Variants in GRID1 observed in about 807,000 individuals in gnomAD.
GRID1 encodes the protein glutamate receptor ionotropic, delta-1.
In GRID1, 28 loss-of-function variants were observed where a neutral mutation model predicts 98.0. The ratio of observed to expected loss-of-function variants is 0.29; its 90% CI spans 0.21 to 0.39. GRID1 has a LOEUF of 0.39. Ranked by LOEUF, GRID1 falls within the 10% of genes least tolerant of loss-of-function variation. GRID1 has a pLI of 1.00. For missense variants in GRID1, 1,111 were observed against 1,340.5 expected, an observed-to-expected ratio of 0.83 and a Z score of 2.67; for synonymous variants, 553 against 538.5, an observed-to-expected ratio of 1.03 and a Z score of -0.37.
At chr10:85,618,398 A>G (rs573321521) in intron 14 of GRID1, among the ~76,000 whole-genome samples, 31 of 152,314 alleles carry the variant, frequency 2.0e-4, no homozygotes, top group African/African-American at 7.5e-4. Context: ...CGGAAAACCA[A>G]CTGGTGCGAA....
At chr10:86,281,670 C>G (rs1847358555) in intron 2 of GRID1, among the ~76,000 whole-genome samples, 1 of 152,158 alleles carries the variant, frequency 6.6e-6, no homozygotes, top group South Asian at 2.1e-4. Context: ...GACCCATGGC[C>G]TGAGGCCTAG....
intron 4 of GRID1, among the ~76,000 whole-genome samples, chr10:86,033,583 T>C (rs1280643919): frequency 6.6e-6 from 1 of 152,196 alleles, no homozygotes; most frequent in Non-Finnish European, 1.5e-5. Context: ...GTGTGGACTA[T>C]AAGACAGCCC....
At chr10:86,073,809 C>T (rs1843838912) in intron 4 of GRID1, among the ~76,000 whole-genome samples, 1 of 152,156 alleles carries the variant, frequency 6.6e-6, no homozygotes, top group Non-Finnish European at 1.5e-5. Context: ...AAGAAGAGAC[C>T]CACATGCCCT....
At chr10:86,289,219 C>T (rs1441456376) in intron 2 of GRID1, among the ~76,000 whole-genome samples, 1 of 152,110 alleles carries the variant, frequency 6.6e-6, no homozygotes, top group East Asian at 1.9e-4. Context: ...CAATTAATGC[C>T]CAGGAACATC....
At chr10:85,827,288 C>G (rs1842828427) in intron 8 of GRID1, among the ~76,000 whole-genome samples, 1 of 151,966 alleles carries the variant, frequency 6.6e-6, no homozygotes, top group Non-Finnish European at 1.5e-5. Context: ...GAACCAAATT[C>G]ATCAGATAGA....
chr10:85,849,348 G>A (rs1033035640), intron 8 of GRID1, among the ~76,000 whole-genome samples: 3 of 152,202 alleles, frequency 2.0e-5, no homozygotes, highest in African/African-American at 7.2e-5. Flanking sequence ...AACATCAAGG[G>A]GGGCATTTGA....
At chr10:86,289,006 T>A (rs973990252) in intron 2 of GRID1, among the ~76,000 whole-genome samples, 1 of 152,164 alleles carries the variant, frequency 6.6e-6, no homozygotes, top group Non-Finnish European at 1.5e-5. Context: ...AACAAAAATA[T>A]GTGTAGACAC....
In GRID1 at chr10:86,162,503, G is replaced by A. The variant is rs546457573; in HGVS notation, c.521-23479C>T. Among the ~76,000 whole-genome samples the A allele has an allele frequency of 1.4e-4, 22 of 152,298 alleles. 1 individual carries two copies. The highest frequency in any genetic ancestry group is 1.2e-3 in the East Asian group (6 of 5,184). ...CTAAAAGCAAGGGGCAGCCAATCTT[G>A]TTTGTCTTCAGAAGCTTTCCATGGA... is the stretch of plus-strand genomic sequence containing the variant. On this transcript the variant is annotated intron_variant, in intron 3 of 15. Coordinates refer to ENST00000327946, the MANE Select transcript of GRID1 (RefSeq NM_017551.3).
intron 6 of GRID1, among the ~76,000 whole-genome samples, chr10:85,863,991 AAT>A (rs766143564): frequency 7.9e-5 from 12 of 152,182 alleles, no homozygotes; most frequent in Admixed American, 1.3e-4. Flanking sequence ...AAGTGTGGAA[AAT>A]GTTTTCATTA....
chr10:85,773,962 T>G (rs866642065), intron 8 of GRID1, among the ~76,000 whole-genome samples: 7 of 152,182 alleles, frequency 4.6e-5, no homozygotes, highest in Admixed American at 2.6e-4. Context: ...TTCACAGATT[T>G]GGAAAAGACT....
intron 4 of GRID1, among the ~76,000 whole-genome samples, chr10:85,993,766 A>C (rs970558837): frequency 2.0e-5 from 3 of 152,240 alleles, no homozygotes; most frequent in Non-Finnish European, 4.4e-5. Flanking sequence ...TCCTAATGAC[A>C]AAACTGTAAA....
intron 12 of GRID1, among the ~76,000 whole-genome samples, chr10:85,692,780 C>A (rs563785359): frequency 1.3e-5 from 2 of 151,446 alleles, no homozygotes; most frequent in African/African-American, 2.4e-5. Context: ...TAAGAAAAAA[C>A]CTACAAAATA....
intron 8 of GRID1, among the ~76,000 whole-genome samples, chr10:85,795,715 C>A (rs1004401418): frequency 5.9e-5 from 9 of 152,152 alleles, no homozygotes; most frequent in Non-Finnish European, 1.2e-4. Flanking sequence ...TAATGCCCAC[C>A]AGCAAAGCAC....
At chr10:85,740,320 T>C (rs986399017) in intron 8 of GRID1, among the ~76,000 whole-genome samples, 1 of 152,198 alleles carries the variant, frequency 6.6e-6, no homozygotes, top group African/African-American at 2.4e-5. Flanking sequence ...TTATTAATAA[T>C]ATGATCTCTC....
At chr10:85,748,732 T>G (rs1185220707) in intron 8 of GRID1, among the ~76,000 whole-genome samples, 2 of 152,170 alleles carry the variant, frequency 1.3e-5, no homozygotes, top group Non-Finnish European at 2.9e-5. Flanking sequence ...GTTTCTTCCC[T>G]GAGCTCCAGA....
At chr10:86,089,685 C>A (rs1050959462) in intron 4 of GRID1, among the ~76,000 whole-genome samples, 1 of 151,108 alleles carries the variant, frequency 6.6e-6, no homozygotes, top group East Asian at 1.9e-4. Flanking sequence ...GTATTTGAAC[C>A]AAATGAAAAA....
chr10:85,711,925 T>A (rs1320464981), intron 12 of GRID1, among the ~76,000 whole-genome samples: 1 of 151,724 alleles, frequency 6.6e-6, no homozygotes, highest in East Asian at 1.9e-4. Context: ...TTGGTATTAA[T>A]CCAACACAAA....
chr10:86,214,702 A>T (rs189555412), intron 2 of GRID1, among the ~76,000 whole-genome samples: 16 of 152,002 alleles, frequency 1.1e-4, no homozygotes, highest in Admixed American at 3.9e-4. Context: ...GTCTCTACTT[A>T]AAAAAAATAC....
chr10:85,841,794 C>G (rs1473537781), intron 8 of GRID1, among the ~76,000 whole-genome samples: 1 of 151,938 alleles, frequency 6.6e-6, no homozygotes, highest in Non-Finnish European at 1.5e-5. Flanking sequence ...TCACACCAAT[C>G]AAAATGGCTA....
Sources: allele counts gnomAD v4.1 joint callset (sites outside exome capture counted in the v4.1 genomes callset), GRCh38; gene constraint gnomAD v4.1.1; transcripts MANE v1.5; gene names NCBI Gene and HGNC (gene_info 2026-07-23, HGNC 2026-07-21).